The following CEP70 variants were observed in gnomAD, a reference collection of about 807,000 sequenced individuals.
The protein encoded by CEP70 is centrosomal protein 70, also known as centrosomal protein of 70 kDa.
Under a neutral mutation model 90.9 loss-of-function variants are expected in CEP70, and 70 were observed. The observed-to-expected ratio is 0.77, with a 90% CI of 0.64 to 0.94. CEP70 has a LOEUF of 0.94. Ranked by LOEUF, CEP70 falls within the 40% of genes least tolerant of loss-of-function variation. The pLI, the probability that CEP70 is intolerant of heterozygous loss-of-function variation, is 0.00. For synonymous variants in CEP70, 220 were observed against 228.3 expected, an observed-to-expected ratio of 0.96 and a Z score of 0.33; for missense variants, 648 against 669.0, an observed-to-expected ratio of 0.97 and a Z score of 0.35.
rs528960586 is a variant in CEP70, at chr3:138,542,739, G to A, written c.466-5392C>T. ...ACAGCCCGGCGAGTCGGCCAGGAAC[G>A]TGTTACAGCTCCTTTCACTCCCGCC... On this transcript the variant is annotated intron_variant, in intron 6 of 17. Coordinates refer to ENST00000264982, the MANE Select transcript of CEP70 (RefSeq NM_024491.4). Among the ~76,000 whole-genome samples, 136 of 152,338 alleles carry A rather than the reference G, an allele frequency of 8.9e-4. 1 individual carries two copies. Among genetic ancestry groups the A allele is most frequent in the African/African-American group, 3.1e-3 (130 of 41,584 alleles).
intron 2 of CEP70, among the ~76,000 whole-genome samples, chr3:138,576,880 A>C (rs1249604261): frequency 1.3e-5 from 2 of 152,238 alleles, no homozygotes; most frequent in African/African-American, 4.8e-5. Flanking sequence ...TGAAGGCAGA[A>C]ATAAAGATGT....
intron 6 of CEP70, among the ~76,000 whole-genome samples, chr3:138,564,801 C>T (rs1350896360): frequency 6.6e-6 from 1 of 152,002 alleles, no homozygotes; most frequent in Admixed American, 6.6e-5. Flanking sequence ...CAAAGATGCC[C>T]TCTCTCACCA....
chr3:138,510,257 A>G (rs1211060346), intron 11 of CEP70, among the ~76,000 whole-genome samples: 1 of 151,620 alleles, frequency 6.6e-6, no homozygotes, highest in Non-Finnish European at 1.5e-5. Flanking sequence ...CTACTAAAAA[A>G]AAAAAAAAGA....
intron 2 of CEP70, among the ~76,000 whole-genome samples, chr3:138,591,437 C>A (rs2042379614): frequency 6.6e-6 from 1 of 152,068 alleles, no homozygotes; most frequent in Admixed American, 6.5e-5. Flanking sequence ...ACCTGCAGAG[C>A]TCTGTAGCCA....
At position 138,503,474 on chromosome 3, in the gene CEP70, TG is replaced by T. The variant is rs1313203620; in HGVS notation, c.1221+1820del. Among the ~76,000 whole-genome samples, 3 of 152,172 alleles carry T rather than the reference TG, an allele frequency of 2.0e-5. No individual in the cohort carries two copies. In the East Asian group the frequency reaches 5.8e-4, roughly 29 times the overall value. On this transcript the variant is annotated intron_variant, in intron 13 of 17. Transcript: ENST00000264982. ...TTTAACCTGAGGGAAAAAACTAATC[TG>T]GGAAGATGGTTGTCCCAAACTTAGA...
intron 2 of CEP70, 101 bp from the exon 3 acceptor site, chr3:138,573,033 T>C (rs1458445488): frequency 3.9e-5 from 31 of 796,910 alleles, no homozygotes; most frequent in Non-Finnish European, 6.5e-5. Context: ...GAAAAGTATA[T>C]TTAAAAGAAT....
At chr3:138,547,422 C>G (rs1276179393) in intron 6 of CEP70, among the ~76,000 whole-genome samples, 2 of 152,222 alleles carry the variant, frequency 1.3e-5, no homozygotes, top group Non-Finnish European at 2.9e-5. Context: ...TGCACTATCA[C>G]TCACTGTGGC....
chr3:138,573,525 T>C (rs2108173553), intron 2 of CEP70, among the ~76,000 whole-genome samples: 1 of 152,252 alleles, frequency 6.6e-6, no homozygotes, highest in South Asian at 2.1e-4. Context: ...AAAAGTAATA[T>C]ATTTTCAAAC....
chr3:138,541,406 GAA>G (rs2038752675), intron 6 of CEP70, among the ~76,000 whole-genome samples: 1 of 114,434 alleles, frequency 8.7e-6, no homozygotes, highest in South Asian at 2.7e-4. Context: ...GGTGCTGAAA[GAA>G]AAAGAAAAAG....
chr3:138,542,192 A>G (rs2038825257), intron 6 of CEP70, among the ~76,000 whole-genome samples: 1 of 152,222 alleles, frequency 6.6e-6, no homozygotes, highest in Non-Finnish European at 1.5e-5. Flanking sequence ...GCAGTGAGGC[A>G]GGCAGCTCCA....
intron 2 of CEP70, among the ~76,000 whole-genome samples, chr3:138,585,455 ATATC>A (rs1560465698): frequency 6.6e-6 from 1 of 152,222 alleles, no homozygotes; most frequent in Non-Finnish European, 1.5e-5. Context: ...TATTGTTAAA[ATATC>A]TATATTACTC....
intron 2 of CEP70, among the ~76,000 whole-genome samples, chr3:138,574,872 G>A (rs1359192242): frequency 6.6e-6 from 1 of 152,088 alleles, no homozygotes; most frequent in Non-Finnish European, 1.5e-5. Flanking sequence ...ACTGTTAGAA[G>A]GAAAACTAAC....
At chr3:138,588,944 C>T (rs566538868) in intron 2 of CEP70, among the ~76,000 whole-genome samples, 51 of 152,234 alleles carry the variant, frequency 3.4e-4, no homozygotes, top group African/African-American at 1.1e-3. Flanking sequence ...AAAATAATTA[C>T]GCTGAAAGCC....
chr3:138,582,859 T>C (rs2108247273), intron 2 of CEP70, among the ~76,000 whole-genome samples: 1 of 151,950 alleles, frequency 6.6e-6, no homozygotes, highest in Non-Finnish European at 1.5e-5. Flanking sequence ...ATACAATGGA[T>C]ACACAAAAAA....
At chr3:138,578,865 A>G (rs1257625288) in intron 2 of CEP70, among the ~76,000 whole-genome samples, 1 of 152,252 alleles carries the variant, frequency 6.6e-6, no homozygotes, top group Non-Finnish European at 1.5e-5. Flanking sequence ...CAACAGGAAC[A>G]CCAAATTTAA....
intron 11 of CEP70, among the ~76,000 whole-genome samples, chr3:138,517,862 C>T (rs1388866307): frequency 3.9e-5 from 6 of 152,106 alleles, no homozygotes; most frequent in South Asian, 2.1e-4. Flanking sequence ...GCGCACCGAG[C>T]GTGAGCCGAA....
chr3:138,529,495 A>T, intron 8 of CEP70, 33 bp from the exon 9 acceptor site: 1 of 1,331,214 alleles, frequency 7.5e-7, no homozygotes, highest in Non-Finnish European at 1.1e-6. Context: ...TACTTATGAA[A>T]AATCTATCTT....
intron 2 of CEP70, among the ~76,000 whole-genome samples, chr3:138,591,326 A>T (rs1398685580): frequency 6.6e-6 from 1 of 152,008 alleles, no homozygotes; most frequent in Non-Finnish European, 1.5e-5. Context: ...GAGTTACCCA[A>T]CTCTAAACAA....
chr3:138,505,882 T>C (rs1271962064), intron 12 of CEP70, among the ~76,000 whole-genome samples: 1 of 152,218 alleles, frequency 6.6e-6, no homozygotes, highest in Admixed American at 6.5e-5. Context: ...CAGTCTGATT[T>C]ACTAAAGTCT....
Sources: gnomAD v4.1 joint callset for allele counts (sites outside exome capture counted in the v4.1 genomes callset) on GRCh38, gnomAD v4.1.1 for gene constraint, MANE v1.5 for transcripts, NCBI Gene and HGNC (gene_info 2026-07-23, HGNC 2026-07-21) for gene names.